Variants in DEFB118 observed in about 807,000 individuals in gnomAD.
DEFB118 encodes defensin, beta 18.
Under a neutral mutation model 2.8 loss-of-function variants are expected in DEFB118, and 3 were observed. That is an observed-to-expected ratio of 1.09 (90% CI 0.50 to 2.82). The LOEUF (loss-of-function observed/expected upper bound fraction) is 2.82. Among genes scored for constraint, DEFB118 ranks in the 30% most tolerant of loss-of-function variants. The pLI is 0.04. For synonymous variants in DEFB118, 63 were observed against 53.5 expected, an observed-to-expected ratio of 1.18 and a Z score of -0.78; for missense variants, 159 against 144.6, an observed-to-expected ratio of 1.10 and a Z score of -0.51.
At chr20:31,372,191 T>A (rs1276454064) in intron 1 of DEFB118, among the ~76,000 whole-genome samples, 1 of 152,228 alleles carries the variant, frequency 6.6e-6, no homozygotes, top group Non-Finnish European at 1.5e-5. Flanking sequence ...TGTGAATGTA[T>A]ACTTTGCAGT....
intron 1 of DEFB118, among the ~76,000 whole-genome samples, chr20:31,369,821 A>G (rs1443148925): frequency 1.3e-5 from 2 of 152,176 alleles, no homozygotes; most frequent in African/African-American, 4.8e-5. Flanking sequence ...ATATATAGCC[A>G]TTTGAGACAT....
In DEFB118 at chr20:31,372,800, A is replaced by G. The variant is rs1986234081; in HGVS notation, c.59-57A>G. 4 of 1,332,320 alleles carry G rather than the reference A, an allele frequency of 3.0e-6. No homozygotes were observed. In the Admixed American group the frequency reaches 5.6e-5, roughly 19 times the overall value. 82.5% of individuals were successfully genotyped at this position (1,332,320 alleles called of 1,614,324 possible). ...AGGATGCGAGATATACAGTCATGCT[A>G]GTGAAATTGAGAGCATCAGTAACCC... On this transcript the variant is annotated intron_variant, in intron 1 of 1. Transcript: ENST00000253381.
In DEFB118 at chr20:31,373,247, C is replaced by T. The variant is rs569243788; in HGVS notation, c.*77C>T. The T allele has an allele frequency of 1.9e-4, 251 of 1,298,262 alleles. 1 individual carries two copies. The East Asian group carries it at 5.2e-3, about 27-fold the overall frequency. The allele number at this position is 1,298,262 out of a possible 1,614,324, so 80.4% of individuals were successfully genotyped here. A position where few individuals can be genotyped will look rare whatever the true frequency, so the allele number is the denominator to read the frequency against. On this transcript the variant is annotated 3_prime_UTR_variant, in exon 2 of 2. Transcript: ENST00000253381. ...CATACAGATAAAGCACTGAAAACAC[C>T]ACAGTGACCCTCCCACCCCCCACCA...
At chr20:31,371,675 G>C (rs1986213338) in intron 1 of DEFB118, among the ~76,000 whole-genome samples, 1 of 151,796 alleles carries the variant, frequency 6.6e-6, no homozygotes, top group Non-Finnish European at 1.5e-5. Flanking sequence ...TTTATACTTT[G>C]GTTTATAATT....
rs1378169108 is a variant in DEFB118 at position 31,372,988 on chromosome 20, C to T, written c.190C>T (p.Arg64Ter). 10 of 1,614,160 alleles carry T rather than the reference C, an allele frequency of 6.2e-6. No individual in the cohort carries two copies. Among genetic ancestry groups the T allele is most frequent in the Middle Eastern group, 1.6e-4 (1 of 6,062 alleles). Residue 64 changes from arginine (R) to a stop codon, truncating the protein, a stop_gained, in exon 2 of 2, where the codon CGA becomes TGA. Transcript: ENST00000253381. LOFTEE classifies it low-confidence loss of function (END_TRUNC). ...CCIPSNEDHR[R>*]VPATSPTPLS... ...CATTCCATCCAATGAAGACCACAGG[C>T]GAGTTCCTGCGACATCTCCCACACC... is the stretch of plus-strand genomic sequence containing the variant.
chr20:31,369,394 T>G (rs997249914), intron 1 of DEFB118, among the ~76,000 whole-genome samples: 2 of 147,566 alleles, frequency 1.4e-5, no homozygotes, highest in African/African-American at 2.5e-5. Context: ...TGTTTTTTTT[T>G]TTTTTTTTTT....
chr20:31,373,151 A>G lies in DEFB118; in HGVS notation c.353A>G (p.Asn118Ser), dbSNP rs773667796. The change falls in exon 2 of 2, where the codon AAT becomes AGT. Residue 118 changes from asparagine to serine, a missense_variant. Asn to Ser is a conservative substitution (Grantham distance 46). Transcript: ENST00000253381. ...AGRGTETSLP[N>S]VHHSS ...AGGGGAACTGAGACCTCTCTTCCAA[A>G]TGTTCACCATAGCTCATGACTTCCT... The G allele has an allele frequency of 4.3e-6, 7 of 1,613,518 alleles. No individual in the cohort carries two copies. Among genetic ancestry groups the G allele is most frequent in the Middle Eastern group, 1.6e-4 (1 of 6,062 alleles).
At chr20:31,372,782 G>A (rs1400910450) in intron 1 of DEFB118, 75 bp from the exon 2 acceptor site, 17 of 1,165,624 alleles carry the variant, frequency 1.5e-5, no homozygotes, top group Admixed American at 2.1e-5. Flanking sequence ...TATAGGATGC[G>A]AGATATACAG....
Position 31,373,392 on chromosome 20 carries a change from A to G in DEFB118, c.*222A>G, listed in dbSNP as rs534042336. 1 of 546,308 alleles carries G rather than the reference A, an allele frequency of 1.8e-6. No homozygotes were observed. The highest frequency in any genetic ancestry group is 1.9e-5 in the African/African-American group (1 of 53,398). 33.8% of individuals were successfully genotyped at this position (546,308 alleles called of 1,614,324 possible). On this transcript the variant is annotated 3_prime_UTR_variant, in exon 2 of 2. Coordinates refer to ENST00000253381, the MANE Select transcript of DEFB118 (RefSeq NM_054112.3). ...CACATTATTTCCACAACAAGTTATA[A>G]CCTATTTTTAGTATTTCTTGTTTGC... is the stretch of plus-strand genomic sequence containing the variant.
At position 31,368,650 on chromosome 20, in the gene DEFB118, C is replaced by A. The variant is rs1986157216; in HGVS notation, c.-1C>A. On this transcript the variant is annotated 5_prime_UTR_variant, in exon 1 of 2. Transcript: ENST00000253381. ...CTACCACCTCCTGCTTCCCAAGGACCATGAAACTCCTGCTGCTGGCTCTTC... is the reference window on the plus strand; with the variant it reads ...CTACCACCTCCTGCTTCCCAAGGACAATGAAACTCCTGCTGCTGGCTCTTC... 1.2e-6 allele frequency: 2 copies of A among 1,613,752 alleles called. No homozygotes were observed. Among genetic ancestry groups the A allele is most frequent in the East Asian group, 4.5e-5 (2 of 44,858 alleles).
intron 1 of DEFB118, among the ~76,000 whole-genome samples, chr20:31,371,628 G>A (rs566673764): frequency 3.0e-4 from 46 of 152,012 alleles, no homozygotes; most frequent in African/African-American, 8.0e-4. Context: ...GCGCCACCAC[G>A]CCTGGCTAAT....
rs1405958114 is a variant in DEFB118, at chr20:31,372,876, AT to A, written c.79del (p.Cys27AlafsTer18). 2 of 1,613,966 alleles carry A rather than the reference AT, an allele frequency of 1.2e-6. No homozygotes were observed. The highest frequency in any genetic ancestry group is 3.3e-5 in the Admixed American group (2 of 60,006). On this transcript the variant is annotated frameshift_variant, in exon 2 of 2. Coordinates refer to ENST00000253381, the MANE Select transcript of DEFB118 (RefSeq NM_054112.3). LOFTEE classifies it low-confidence loss of function (END_TRUNC). ...ATTCAGCCTATAGTGGTGAAAAAAA[AT>A]GCTGGAACAGATCAGGGCACTGCAG... is the stretch of plus-strand genomic sequence containing the variant. ...VIPAYSGEKKCWNRSGHCRKQ... is the reference protein window; with the variant it reads ...VIPAYSGEKKXWNRSGHCRKQ...
intron 1 of DEFB118, among the ~76,000 whole-genome samples, chr20:31,371,254 C>T (rs1434075758): frequency 6.6e-6 from 1 of 152,114 alleles, no homozygotes; most frequent in Non-Finnish European, 1.5e-5. Context: ...ATATACTCTG[C>T]CCCCAGTTAG....
rs1167685623 is a variant in DEFB118 at position 31,368,738 on chromosome 20, T to A, written c.58+30T>A. 3.7e-6 allele frequency: 6 copies of A among 1,604,780 alleles called. No individual in the cohort carries two copies. In the South Asian group the frequency reaches 4.4e-5, roughly 12 times the overall value. On this transcript the variant is annotated intron_variant, in intron 1 of 1. Transcript: ENST00000253381. ...TCAGAGGTCAGGGAAGATACAAAAA[T>A]AGAGGTATAGTGGGTTCTGGCTCAT... is the stretch of plus-strand genomic sequence containing the variant.
chr20:31,373,245 A>C lies in DEFB118; in HGVS notation c.*75A>C. 5 of 1,314,556 alleles carry C rather than the reference A, an allele frequency of 3.8e-6. No individual in the cohort carries two copies. Among genetic ancestry groups the C allele is most frequent in the Non-Finnish European group, 5.3e-6 (5 of 949,716 alleles). 81.4% of individuals were successfully genotyped at this position (1,314,556 alleles called of 1,614,324 possible). On this transcript the variant is annotated 3_prime_UTR_variant, in exon 2 of 2. Coordinates refer to ENST00000253381, the MANE Select transcript of DEFB118 (RefSeq NM_054112.3). The stretch of plus-strand genomic sequence containing the variant: ...CACATACAGATAAAGCACTGAAAAC[A>C]CCACAGTGACCCTCCCACCCCCCAC...
Position 31,373,051 on chromosome 20 carries a change from T to C in DEFB118, c.253T>C (p.Leu85=), listed in dbSNP as rs1447276570. ...DSTPGIIDDI[L]TVRFTTDYFE... Reference sequence around the variant, plus strand: ...AACACCAGGAATTATTGATGATATTTTAACAGTAAGGTTCACGACAGACTA... The same window carrying C: ...AACACCAGGAATTATTGATGATATTCTAACAGTAAGGTTCACGACAGACTA... The change falls in exon 2 of 2, where the codon TTA becomes CTA. Residue 85 remains leucine (L), a synonymous_variant. Transcript: ENST00000253381. 1 of 1,614,064 alleles carries C rather than the reference T, an allele frequency of 6.2e-7. No homozygotes were observed. The highest frequency in any genetic ancestry group is 8.5e-7 in the Non-Finnish European group (1 of 1,180,036).
chr20:31,372,959 G>T lies in DEFB118; in HGVS notation c.161G>T (p.Cys54Phe), dbSNP rs770422931. 5.0e-6 allele frequency: 8 copies of T among 1,614,062 alleles called. No individual in the cohort carries two copies. The highest frequency in any genetic ancestry group is 6.8e-6 in the Non-Finnish European group (8 of 1,180,038). The part of the protein sequence containing the change: ...VKDTCKNLRA[C>F]CIPSNEDHRR... The stretch of plus-strand genomic sequence containing the variant: ...GATACATGCAAAAATCTTCGAGCTT[G>T]CTGCATTCCATCCAATGAAGACCAC... The change falls in exon 2 of 2, where the codon TGC becomes TTC. Residue 54 changes from cysteine (C) to phenylalanine (F), a missense_variant. By Grantham distance (205) the Cys-to-Phe change is radical. Transcript: ENST00000253381.
chr20:31,370,810 G>C (rs1383159260), intron 1 of DEFB118, among the ~76,000 whole-genome samples: 4 of 152,154 alleles, frequency 2.6e-5, no homozygotes, highest in African/African-American at 4.8e-5. Flanking sequence ...GTGTGCAATG[G>C]CGCGATCTCA....
At chr20:31,372,006 G>A (rs1168346416) in intron 1 of DEFB118, among the ~76,000 whole-genome samples, 1 of 152,110 alleles carries the variant, frequency 6.6e-6, no homozygotes, top group Non-Finnish European at 1.5e-5. Context: ...CCAAGTTGCT[G>A]CAAAAGACAT....
Sources: allele counts gnomAD v4.1 joint callset (sites outside exome capture counted in the v4.1 genomes callset), GRCh38; gene constraint gnomAD v4.1.1; transcripts MANE v1.5; gene names NCBI Gene and HGNC (gene_info 2026-07-23, HGNC 2026-07-21).